Variants in ZNF704 observed in about 807,000 individuals in gnomAD.
ZNF704 encodes the protein zinc finger protein 704, also known as glucocorticoid induced gene 1.
Under a neutral mutation model 44.7 loss-of-function variants are expected in ZNF704, and 10 were observed. The ratio of observed to expected loss-of-function variants is 0.22; its 90% CI spans 0.14 to 0.38. The LOEUF is 0.38. Ranked by LOEUF, ZNF704 falls within the 10% of genes least tolerant of loss-of-function variation. The pLI is 1.00. For missense variants in ZNF704, 390 were observed against 545.5 expected (o/e 0.71, Z 2.84); for synonymous variants, 211 against 207.6 (o/e 1.02, Z -0.14).
intron 2 of ZNF704, among the ~76,000 whole-genome samples, chr8:80,749,395 T>C (rs1806903056): frequency 6.6e-6 from 1 of 152,220 alleles, no homozygotes; most frequent in South Asian, 2.1e-4. Flanking sequence ...TATGGTCACC[T>C]ACACCATTTA....
chr8:80,719,853 T>C (rs1254769120), intron 2 of ZNF704, among the ~76,000 whole-genome samples: 1 of 152,222 alleles, frequency 6.6e-6, no homozygotes, highest in Non-Finnish European at 1.5e-5. Context: ...AGCTCCGAAC[T>C]GGTTTCCACA....
At chr8:80,743,054 C>T (rs1357184582) in intron 2 of ZNF704, among the ~76,000 whole-genome samples, 2 of 151,984 alleles carry the variant, frequency 1.3e-5, no homozygotes, top group Admixed American at 6.6e-5. Context: ...AAACATCTAT[C>T]GCCTGCCTGA....
At chr8:80,857,648 T>C (rs866213233) in intron 1 of ZNF704, among the ~76,000 whole-genome samples, 12 of 152,300 alleles carry the variant, frequency 7.9e-5, no homozygotes, top group African/African-American at 2.9e-4. Flanking sequence ...TCTTAAGTGT[T>C]TTTGCCTATG....
intron 1 of ZNF704, among the ~76,000 whole-genome samples, chr8:80,841,808 G>A (rs1228859433): frequency 6.6e-6 from 1 of 151,976 alleles, no homozygotes; most frequent in Non-Finnish European, 1.5e-5. Flanking sequence ...TCTTTTTCTA[G>A]AGAAAGGGTC....
chr8:80,690,534 A>G (rs1818614227), intron 3 of ZNF704, among the ~76,000 whole-genome samples: 1 of 152,186 alleles, frequency 6.6e-6, no homozygotes, highest in Non-Finnish European at 1.5e-5. Context: ...GGCCGGGACT[A>G]CAGGCGTGTT....
In ZNF704 at chr8:80,655,920, T is replaced by C. The variant is rs537721744; in HGVS notation, c.1032+3665A>G. 5.9e-4 allele frequency among the ~76,000 whole-genome samples: 90 copies of C among 152,314 alleles called. 1 individual carries two copies. Among genetic ancestry groups the C allele is most frequent in the Middle Eastern group, 6.8e-3 (2 of 294 alleles). ...AGCCTGAAGCCTCCTAGAACTTGGATAGCAGGTTGACTAGCTTATACTTGC... is the reference window on the plus strand; with the variant it reads ...AGCCTGAAGCCTCCTAGAACTTGGACAGCAGGTTGACTAGCTTATACTTGC... On this transcript the variant is annotated intron_variant, in intron 7 of 8. Coordinates refer to ENST00000327835, the MANE Select transcript of ZNF704 (RefSeq NM_001033723.3).
At chr8:80,653,236 G>A (rs968615402) in intron 7 of ZNF704, among the ~76,000 whole-genome samples, 1 of 152,164 alleles carries the variant, frequency 6.6e-6, no homozygotes, top group Non-Finnish European at 1.5e-5. Context: ...AAAACTGGAA[G>A]CATTCCCTTT....
rs1563552700 is a variant in ZNF704 at position 80,785,443 on chromosome 8, T to C, written c.221+35931A>G. On this transcript the variant is annotated intron_variant, in intron 2 of 8. Coordinates refer to ENST00000327835, the MANE Select transcript of ZNF704 (RefSeq NM_001033723.3). ...ACTGAAAAAGTGAAGGGTTATGTTC[T>C]ACTTCCTTGAGGTGGGAGTATCGAC... Among the ~76,000 whole-genome samples the C allele has an allele frequency of 2.6e-5, 4 of 152,360 alleles. No individual in the cohort carries two copies. In the East Asian group the frequency reaches 5.8e-4, roughly 22 times the overall value.
intron 7 of ZNF704, among the ~76,000 whole-genome samples, chr8:80,650,424 T>A (rs12155606): frequency 0.3 from 45,676 of 152,030 alleles, 9,384 homozygotes; most frequent in African/African-American, 0.58. Context: ...TTGAAAAAAA[T>A]TTAGACGAAT....
chr8:80,823,401 G>A lies in ZNF704; in HGVS notation c.-21-1786C>T, dbSNP rs113527478. Among the ~76,000 whole-genome samples, 568 of 152,354 alleles carry A rather than the reference G, an allele frequency of 3.7e-3. 5 individuals carry two copies. The highest frequency in any genetic ancestry group is 0.013 in the African/African-American group (551 of 41,584). ...GGCATCAGCCACTGCTGAGGCTTGA[G>A]TAGGTAAGCACAACGGCTGGGAAGC... On this transcript the variant is annotated intron_variant, in intron 1 of 8. Coordinates refer to ENST00000327835, the MANE Select transcript of ZNF704 (RefSeq NM_001033723.3).
intron 4 of ZNF704, among the ~76,000 whole-genome samples, chr8:80,678,741 A>G (rs887036953): frequency 6.6e-6 from 1 of 152,198 alleles, no homozygotes; most frequent in African/African-American, 2.4e-5. Flanking sequence ...GAAAAGTTAC[A>G]TATCTATTAA....
chr8:80,646,827 T>G (rs563414973), intron 7 of ZNF704, among the ~76,000 whole-genome samples: 1 of 152,288 alleles, frequency 6.6e-6, no homozygotes, highest in South Asian at 2.1e-4. Flanking sequence ...TGTTTTAAAT[T>G]ATCAGGAAAA....
At chr8:80,751,281 T>A (rs972575046) in intron 2 of ZNF704, among the ~76,000 whole-genome samples, 4 of 152,104 alleles carry the variant, frequency 2.6e-5, no homozygotes, top group Admixed American at 2.6e-4. Context: ...TTTCCTGGTG[T>A]TTGTTTACAG....
chr8:80,711,544 C>T (rs931459088), intron 2 of ZNF704, among the ~76,000 whole-genome samples: 1 of 152,188 alleles, frequency 6.6e-6, no homozygotes, highest in Non-Finnish European at 1.5e-5. Flanking sequence ...AGACTCACTG[C>T]TTTAAAGAAA....
At chr8:80,754,202 T>C (rs1458927973) in intron 2 of ZNF704, among the ~76,000 whole-genome samples, 3 of 152,220 alleles carry the variant, frequency 2.0e-5, no homozygotes, top group Non-Finnish European at 2.9e-5. Flanking sequence ...TATCTTGTCA[T>C]GGTGCTGACT....
chr8:80,832,037 C>A (rs1411113613), intron 1 of ZNF704, among the ~76,000 whole-genome samples: 1 of 152,184 alleles, frequency 6.6e-6, no homozygotes, highest in Non-Finnish European at 1.5e-5. Context: ...ACACATTATC[C>A]CATATAATTT....
intron 2 of ZNF704, among the ~76,000 whole-genome samples, chr8:80,707,223 C>G (rs1240091860): frequency 6.6e-6 from 1 of 152,148 alleles, no homozygotes; most frequent in African/African-American, 2.4e-5. Flanking sequence ...ATCCCTATCA[C>G]TTTGTTTTTA....
intron 1 of ZNF704, among the ~76,000 whole-genome samples, chr8:80,841,523 C>T (rs1386073275): frequency 1.3e-5 from 2 of 152,096 alleles, no homozygotes; most frequent in Non-Finnish European, 1.5e-5. Flanking sequence ...TAACTTCTCA[C>T]TTTCACTCTT....
intron 4 of ZNF704, among the ~76,000 whole-genome samples, chr8:80,683,785 TAAGA>T (rs1818491351): frequency 6.6e-6 from 1 of 152,238 alleles, no homozygotes; most frequent in Non-Finnish European, 1.5e-5. Context: ...CTACTGATAG[TAAGA>T]GAGAATGCCT....
Sources: allele counts gnomAD v4.1 joint callset (sites outside exome capture counted in the v4.1 genomes callset), GRCh38; gene constraint gnomAD v4.1.1; transcripts MANE v1.5; gene names NCBI Gene and HGNC (gene_info 2026-07-23, HGNC 2026-07-21).